MAML2: variants seen among roughly 807,000 people sequenced by gnomAD.
The protein encoded by MAML2 is mastermind like transcriptional coactivator 2.
In MAML2, 22 loss-of-function variants were observed where a neutral mutation model predicts 96.1. That is an observed-to-expected ratio of 0.23 (90% CI 0.16 to 0.33). The LOEUF (loss-of-function observed/expected upper bound fraction) is 0.33. Among genes scored for constraint, MAML2 ranks in the 10% least tolerant of loss-of-function variants. The probability of loss-of-function intolerance (pLI) is 1.00; values close to 1 mark genes in which losing one functional copy is unlikely to be tolerated. For synonymous variants in MAML2, 561 were observed against 521.3 expected, an observed-to-expected ratio of 1.08 and a Z score of -1.04; for missense variants, 1,367 against 1,392.4, an observed-to-expected ratio of 0.98 and a Z score of 0.29.
In MAML2 at chr11:96,150,019, T is replaced by C. The variant is rs142440360; in HGVS notation, c.514-56502A>G. On this transcript the variant is annotated intron_variant, in intron 1 of 4. Transcript: ENST00000524717. ...CTTCTAATTTGTACTCCAAAACTTC[T>C]AACTACTTGTTGGATATCTTCGCCT... Among the ~76,000 whole-genome samples, 852 of 152,372 alleles carry C rather than the reference T, an allele frequency of 5.6e-3. 9 individuals carry two copies. Among genetic ancestry groups the C allele is most frequent in the African/African-American group, 0.019 (807 of 41,586 alleles).
At position 96,093,173 on chromosome 11, in the gene MAML2, C is replaced by T; in HGVS notation, c.858G>A (p.Glu286=). The T allele has an allele frequency of 1.2e-6, 2 of 1,614,006 alleles. No individual in the cohort carries two copies. The highest frequency in any genetic ancestry group is 1.7e-6 in the Non-Finnish European group (2 of 1,179,900). Residue 286 remains glutamate (E), a synonymous_variant, in exon 2 of 5, where the codon GAG becomes GAA. Transcript: ENST00000524717. ...CTCCGTACCTATTAGGAAAAATATTCTCTTGGGTCATTTGGCCATCCATGT... is the reference window on the plus strand; with the variant it reads ...CTCCGTACCTATTAGGAAAAATATTTTCTTGGGTCATTTGGCCATCCATGT... ...SKHMDGQMTQ[E]NIFPNRYGDD... is the part of the protein sequence containing the mutation.
intron 1 of MAML2, among the ~76,000 whole-genome samples, chr11:96,196,881 T>TC (rs1187321436): frequency 4.1e-5 from 6 of 147,676 alleles, no homozygotes; most frequent in Non-Finnish European, 9.0e-5. Context: ...ACCCTCGGCT[T>TC]TTTTTTTTTT....
chr11:96,064,173 G>A (rs551714831), intron 2 of MAML2, among the ~76,000 whole-genome samples: 104 of 152,220 alleles, frequency 6.8e-4, no homozygotes, highest in Middle Eastern at 3.4e-3. Context: ...TATAAAATTA[G>A]GTCACAGCAC....
At chr11:96,175,644 G>A (rs1398751557) in intron 1 of MAML2, among the ~76,000 whole-genome samples, 4 of 152,094 alleles carry the variant, frequency 2.6e-5, no homozygotes, top group Admixed American at 2.6e-4. Flanking sequence ...AGGATGGAGT[G>A]CAGTGGCGTG....
intron 1 of MAML2, among the ~76,000 whole-genome samples, chr11:96,299,060 A>AAAAAAAATATATATATATAT (rs55878534): frequency 1.8e-5 from 1 of 56,336 alleles, no homozygotes; most frequent in Non-Finnish European, 3.0e-5. Context: ...AAAAAAAAAA[A>AAAAAAAATATATATATATAT]ATATATATAT....
intron 2 of MAML2, among the ~76,000 whole-genome samples, chr11:95,999,682 T>C (rs1279543301): frequency 6.6e-6 from 1 of 152,120 alleles, no homozygotes; most frequent in African/African-American, 2.4e-5. Context: ...GTATAATGAT[T>C]TTCCCCCCAC....
intron 1 of MAML2, among the ~76,000 whole-genome samples, chr11:96,327,807 A>G (rs1863805262): frequency 6.6e-6 from 1 of 152,150 alleles, no homozygotes; most frequent in Non-Finnish European, 1.5e-5. Flanking sequence ...TATATTAAAA[A>G]TAATCAGGCC....
At chr11:96,225,227 G>A (rs1862194748) in intron 1 of MAML2, among the ~76,000 whole-genome samples, 1 of 152,216 alleles carries the variant, frequency 6.6e-6, no homozygotes. Context: ...GGTCATAAAA[G>A]ACCATGCAGC....
At chr11:96,247,022 C>T (rs1219850472) in intron 1 of MAML2, among the ~76,000 whole-genome samples, 3 of 152,010 alleles carry the variant, frequency 2.0e-5, no homozygotes, top group African/African-American at 4.8e-5. Context: ...ACAAAAATTG[C>T]GTGTGATCCT....
At chr11:96,287,922 C>A (rs996979810) in intron 1 of MAML2, among the ~76,000 whole-genome samples, 2 of 152,158 alleles carry the variant, frequency 1.3e-5, no homozygotes. Context: ...TCATTAAATA[C>A]ACGTTGCTTG....
At chr11:96,154,190 C>G (rs914835317) in intron 1 of MAML2, among the ~76,000 whole-genome samples, 3 of 151,934 alleles carry the variant, frequency 2.0e-5, no homozygotes, top group Non-Finnish European at 4.4e-5. Context: ...ATTCCTGGAC[C>G]CTGCTCCCAG....
chr11:95,992,132 T>G (rs1009652163), intron 2 of MAML2, among the ~76,000 whole-genome samples: 1 of 152,236 alleles, frequency 6.6e-6, no homozygotes, highest in Non-Finnish European at 1.5e-5. Flanking sequence ...ATGAAAGTCA[T>G]GTTTTAATTC....
At chr11:96,105,635 G>T (rs764691745) in intron 1 of MAML2, among the ~76,000 whole-genome samples, 1 of 152,170 alleles carries the variant, frequency 6.6e-6, no homozygotes, top group Non-Finnish European at 1.5e-5. Flanking sequence ...AAGTTTTGAA[G>T]AAATATTTTT....
intron 1 of MAML2, among the ~76,000 whole-genome samples, chr11:96,100,900 C>T (rs1434033901): frequency 6.6e-6 from 1 of 151,932 alleles, no homozygotes; most frequent in Admixed American, 6.6e-5. Context: ...AAAGTGACAA[C>T]ACACTTGGCT....
chr11:96,302,180 A>G lies in MAML2; in HGVS notation c.513+39203T>C, dbSNP rs16923522. ...CACATATTTGTTTTCATGCTATGCC[A>G]TCACATAATCAGTGTTGTCTGTGGC... On this transcript the variant is annotated intron_variant, in intron 1 of 4. Transcript: ENST00000524717. 6.4e-3 allele frequency among the ~76,000 whole-genome samples: 977 copies of G among 152,364 alleles called. 17 individuals carry two copies. The highest frequency in any genetic ancestry group is 0.022 in the African/African-American group (915 of 41,588).
rs540746790 is a variant in MAML2, at chr11:96,113,386, A to G, written c.514-19869T>C. ...TGAATATTTATGCCCTTAGGCAGAC[A>G]TATTAACTCATTTTACATTGAGAAT... On this transcript the variant is annotated intron_variant, in intron 1 of 4. Coordinates refer to ENST00000524717, the MANE Select transcript of MAML2 (RefSeq NM_032427.4). Among the ~76,000 whole-genome samples the G allele has an allele frequency of 5.3e-5, 8 of 152,268 alleles. No individual in the cohort carries two copies. The South Asian group carries it at 1.7e-3, about 32-fold the overall frequency.
intron 1 of MAML2, 147 bp downstream of exon 1, chr11:96,341,236 C>A: frequency 2.2e-6 from 2 of 901,448 alleles, no homozygotes; most frequent in Non-Finnish European, 3.3e-6. Flanking sequence ...ATGAAACCAC[C>A]CGAACACACC....
chr11:96,002,747 GAT>G (rs1858105298), intron 2 of MAML2, among the ~76,000 whole-genome samples: 3 of 145,990 alleles, frequency 2.1e-5, no homozygotes, highest in Non-Finnish European at 3.0e-5. Context: ...AGATGATCGG[GAT>G]GATGAGGAGG....
chr11:96,063,066 C>T (rs1859192050), intron 2 of MAML2, among the ~76,000 whole-genome samples: 1 of 145,368 alleles, frequency 6.9e-6, no homozygotes, highest in Admixed American at 7.0e-5. Flanking sequence ...CGTCTCAGTC[C>T]ACCCCTCTGT....
Sources: allele counts gnomAD v4.1 joint callset (sites outside exome capture counted in the v4.1 genomes callset), GRCh38; gene constraint gnomAD v4.1.1; transcripts MANE v1.5; gene names NCBI Gene and HGNC (gene_info 2026-07-23, HGNC 2026-07-21).